Variants in EXOC7 observed in about 807,000 individuals in gnomAD.
EXOC7 encodes exocyst complex component 7.
A neutral mutation model predicts 87.6 loss-of-function variants in EXOC7; 51 were observed. The ratio of observed to expected loss-of-function variants is 0.58; its 90% CI spans 0.46 to 0.73. EXOC7 has a LOEUF of 0.73. EXOC7 is among the 30% of genes least tolerant of loss of function. The pLI is 0.00. For synonymous variants in EXOC7, 327 were observed against 357.1 expected (o/e 0.92, Z 0.95); for missense variants, 744 against 888.4 (o/e 0.84, Z 2.07).
chr17:76,087,593 C>G, intron 12 of EXOC7, 61 bp downstream of exon 12: 1 of 1,505,024 alleles, frequency 6.6e-7, no homozygotes, highest in Non-Finnish European at 9.0e-7. Flanking sequence ...TGCCCTCTAA[C>G]CCCATGTCTC....
At position 76,081,615 on chromosome 17, in the gene EXOC7, C is replaced by T; in HGVS notation, c.*2033G>A. ...GTGCCTGCAGAGGCACTGCTGTTGGCTGACGTGTGCGGGGGGTTGCTGCCC... is the reference window on the plus strand; with the variant it reads ...GTGCCTGCAGAGGCACTGCTGTTGGTTGACGTGTGCGGGGGGTTGCTGCCC... On this transcript the variant is annotated 3_prime_UTR_variant, in exon 19 of 19. Coordinates refer to ENST00000589210, the MANE Select transcript of EXOC7 (RefSeq NM_001013839.4). 6.2e-7 allele frequency: 1 copy of T among 1,614,100 alleles called. No individual in the cohort carries two copies. Among genetic ancestry groups the T allele is most frequent in the Non-Finnish European group, 8.5e-7 (1 of 1,180,046 alleles).
intron 9 of EXOC7, 61 bp downstream of exon 9, chr17:76,088,710 G>A (rs1025386259): frequency 4.9e-5 from 79 of 1,605,420 alleles, no homozygotes; most frequent in South Asian, 2.5e-4. Context: ...GGGATGGGGC[G>A]GCCACACCCG....
intron 12 of EXOC7, 99 bp from the exon 13 acceptor site, chr17:76,086,244 G>A: frequency 8.4e-7 from 1 of 1,188,712 alleles, no homozygotes; most frequent in Non-Finnish European, 1.2e-6. Context: ...CACTGAGACA[G>A]GCCCTGGGCT....
At chr17:76,087,467 T>C in intron 12 of EXOC7, 187 bp downstream of exon 12, 2 of 603,844 alleles carry the variant, frequency 3.3e-6, no homozygotes, top group East Asian at 2.8e-5. Context: ...AGAGGTCCAG[T>C]GTCTGGTCTT....
chr17:76,098,085 T>A, intron 4 of EXOC7, 67 bp from the exon 5 acceptor site: 1 of 1,398,628 alleles, frequency 7.1e-7, no homozygotes, highest in East Asian at 2.3e-5. Flanking sequence ...GGCCTTCCCC[T>A]GCCTGTGCCA....
At position 76,102,417 on chromosome 17, in the gene EXOC7, GACACACACACAC is replaced by G. The variant is rs3073225; in HGVS notation, c.127-566_127-555del. Among the ~76,000 whole-genome samples, 452 of 144,126 alleles carry G rather than the reference GACACACACACAC, an allele frequency of 3.1e-3. 4 individuals carry two copies. The highest frequency in any genetic ancestry group is 9.8e-3 in the African/African-American group (386 of 39,284). The allele number at this position is 144,126 out of a possible 152,430, so 94.6% of individuals were successfully genotyped here. On this transcript the variant is annotated intron_variant, in intron 2 of 18. Transcript: ENST00000589210. ...CAGTGAGACCCTGTCTACACACACA[GACACACACACAC>G]ACACACACACACACACACACACACA...
At chr17:76,086,928 G>C (rs2067238485) in intron 12 of EXOC7, 2 of 1,540,388 alleles carry the variant, frequency 1.3e-6, no homozygotes, top group Non-Finnish European at 1.8e-6. Flanking sequence ...AGAGGGGACA[G>C]AGGGAGAGAC....
intron 11 of EXOC7, 105 bp from the exon 12 acceptor site, chr17:76,087,825 G>A (rs2067281935): frequency 3.3e-6 from 4 of 1,228,678 alleles, no homozygotes; most frequent in Admixed American, 2.1e-5. Context: ...GCTGGGATCC[G>A]CCCAGTGAAG....
chr17:76,094,612 C>A, intron 5 of EXOC7, 31 bp from the exon 6 acceptor site: 1 of 1,591,580 alleles, frequency 6.3e-7, no homozygotes, highest in Admixed American at 1.7e-5. Flanking sequence ...AGAGGTACGG[C>A]TGCCAGGCCC....
chr17:76,085,641 G>T (rs192826134), intron 14 of EXOC7, 36 bp downstream of exon 14: 1 of 1,613,834 alleles, frequency 6.2e-7, no homozygotes, highest in Admixed American at 1.7e-5. Context: ...CGAGGGGAAG[G>T]TGAGAGCCGC....
At chr17:76,099,524 C>T (rs1442029962) in intron 4 of EXOC7, among the ~76,000 whole-genome samples, 1 of 151,704 alleles carries the variant, frequency 6.6e-6, no homozygotes, top group Non-Finnish European at 1.5e-5. Flanking sequence ...CAAAACAAAA[C>T]AAAAAACCAA....
At chr17:76,101,555 T>C in intron 3 of EXOC7, 124 bp downstream of exon 3, 1 of 1,361,488 alleles carries the variant, frequency 7.3e-7, no homozygotes, top group Non-Finnish European at 1.0e-6. Flanking sequence ...TCCAGACTGG[T>C]CTTGAACTCC....
chr17:76,088,397 T>C, intron 10 of EXOC7, 67 bp downstream of exon 10: 2 of 1,481,378 alleles, frequency 1.4e-6, no homozygotes, highest in Admixed American at 1.8e-5. Context: ...GCTCTGAGAG[T>C]CCCCCAGGGC....
chr17:76,081,283 G>A lies in EXOC7; in HGVS notation c.*2365C>T, dbSNP rs372373592. 6 of 1,613,724 alleles carry A rather than the reference G, an allele frequency of 3.7e-6. No individual in the cohort carries two copies. Among genetic ancestry groups the A allele is most frequent in the African/African-American group, 2.7e-5 (2 of 74,918 alleles). ...TTCTCATTCCCACCCCTCAGCGATG[G>A]AGTTAGAGTTCCAGGCCCACGTGGT... On this transcript the variant is annotated 3_prime_UTR_variant, in exon 19 of 19. Coordinates refer to ENST00000589210, the MANE Select transcript of EXOC7 (RefSeq NM_001013839.4).
intron 5 of EXOC7, 29 bp downstream of exon 5, chr17:76,097,767 T>C (rs1454800227): frequency 2.1e-6 from 3 of 1,441,292 alleles, no homozygotes. Context: ...GCCTCTGGTG[T>C]GTCATGTGGC....
intron 1 of EXOC7, 26 bp downstream of exon 1, chr17:76,103,607 C>G: frequency 6.2e-7 from 1 of 1,612,686 alleles, no homozygotes; most frequent in Non-Finnish European, 8.5e-7. Flanking sequence ...TCACCTCCTC[C>G]CCAGCCTCCC....
At chr17:76,103,565 G>T in intron 1 of EXOC7, 68 bp downstream of exon 1, 1 of 1,598,160 alleles carries the variant, frequency 6.3e-7, no homozygotes. Context: ...TCCATGAGTA[G>T]ACAATCAGGC....
intron 5 of EXOC7, among the ~76,000 whole-genome samples, chr17:76,096,401 G>C (rs1343509868): frequency 1.3e-5 from 2 of 151,232 alleles, no homozygotes; most frequent in African/African-American, 4.8e-5. Flanking sequence ...TGTAACCCCA[G>C]CTACTTGGGA....
intron 6 of EXOC7, chr17:76,091,446 C>A: frequency 3.5e-6 from 2 of 565,800 alleles, no homozygotes; most frequent in South Asian, 4.3e-5. Flanking sequence ...CTACTACCGA[C>A]CCTCCTTGTT....
Sources: allele counts gnomAD v4.1 joint callset (sites outside exome capture counted in the v4.1 genomes callset), GRCh38; gene constraint gnomAD v4.1.1; transcripts MANE v1.5; gene names NCBI Gene and HGNC (gene_info 2026-07-23, HGNC 2026-07-21).